The following NCALD variants were observed in gnomAD, a reference collection of about 807,000 sequenced individuals.
The protein encoded by NCALD is neurocalcin-delta.
In NCALD, 10 loss-of-function variants were observed where a neutral mutation model predicts 18.6. The ratio of observed to expected loss-of-function variants is 0.54; its 90% CI spans 0.33 to 0.91. The LOEUF (loss-of-function observed/expected upper bound fraction) is 0.91, where lower values mean the gene tolerates loss of function less well. Ranked by LOEUF, NCALD falls within the 40% of genes least tolerant of loss-of-function variation. The pLI is 0.03. For missense variants in NCALD, 184 were observed against 247.6 expected (o/e 0.74, Z 1.72); for synonymous variants, 88 against 87.4 (o/e 1.01, Z -0.04).
At chr8:101,828,960 AGTGGGGTGGTGG>A (rs1364086855) in intron 4 of NCALD, among the ~76,000 whole-genome samples, 2 of 123,950 alleles carry the variant, frequency 1.6e-5, no homozygotes, top group East Asian at 4.7e-4. Context: ...AGGATGGGTG[AGTGGGGTGGTGG>A]GTGGGTAGGT....
intron 4 of NCALD, among the ~76,000 whole-genome samples, chr8:101,875,105 C>A (rs866887844): frequency 6.6e-6 from 1 of 152,228 alleles, no homozygotes; most frequent in African/African-American, 2.4e-5. Context: ...TCTAGACAGT[C>A]TGACCAACTT....
chr8:101,880,467 C>T (rs485263), intron 4 of NCALD, among the ~76,000 whole-genome samples: 39,448 of 151,904 alleles, frequency 0.26, 5,457 homozygotes, highest in East Asian at 0.35. Flanking sequence ...AGCGCAGTGG[C>T]GGACTGAAGG....
intron 2 of NCALD, among the ~76,000 whole-genome samples, chr8:101,987,545 C>T (rs1340989733): frequency 6.6e-6 from 1 of 152,112 alleles, no homozygotes; most frequent in Non-Finnish European, 1.5e-5. Flanking sequence ...TGATAAAAGC[C>T]AATGCATGAA....
chr8:102,104,099 G>A (rs912375519), intron 1 of NCALD, among the ~76,000 whole-genome samples: 2 of 152,128 alleles, frequency 1.3e-5, no homozygotes, highest in African/African-American at 2.4e-5. Context: ...ATATCCGCAC[G>A]CGTGAAGACT....
At chr8:101,779,723 C>T (rs958452905) in intron 1 of NCALD, among the ~76,000 whole-genome samples, 1 of 152,076 alleles carries the variant, frequency 6.6e-6, no homozygotes, top group Non-Finnish European at 1.5e-5. Context: ...TTTAAAACCC[C>T]TTCTCCCAAC....
chr8:101,898,804 G>C (rs865790058), intron 3 of NCALD, among the ~76,000 whole-genome samples: 9 of 151,976 alleles, frequency 5.9e-5, no homozygotes, highest in Non-Finnish European at 1.0e-4. Context: ...TTTGAAATTA[G>C]GTTCAGTGAT....
chr8:101,743,881 A>G (rs1298222748), intron 1 of NCALD, among the ~76,000 whole-genome samples: 1 of 152,246 alleles, frequency 6.6e-6, no homozygotes, highest in African/African-American at 2.4e-5. Flanking sequence ...GAGTAACCAC[A>G]GTAAGTGGGA....
intron 4 of NCALD, among the ~76,000 whole-genome samples, chr8:101,879,281 C>T (rs1041933834): frequency 6.6e-6 from 1 of 152,110 alleles, no homozygotes; most frequent in African/African-American, 2.4e-5. Context: ...GAGTTTGTCC[C>T]TTCTGATGTT....
intron 1 of NCALD, among the ~76,000 whole-genome samples, chr8:101,735,431 CA>C (rs1467546103): frequency 6.6e-6 from 1 of 152,130 alleles, no homozygotes; most frequent in East Asian, 1.9e-4. Flanking sequence ...AAGGTGCTAC[CA>C]AAAGACAAAT....
chr8:101,703,660 C>G (rs879141160), intron 2 of NCALD, among the ~76,000 whole-genome samples: 1 of 152,146 alleles, frequency 6.6e-6, no homozygotes, highest in Admixed American at 6.5e-5. Context: ...AGAGGGTTTC[C>G]AAGCCACAGT....
chr8:101,806,329 T>C (rs1813099996), intron 4 of NCALD, among the ~76,000 whole-genome samples: 1 of 151,996 alleles, frequency 6.6e-6, no homozygotes, highest in Non-Finnish European at 1.5e-5. Flanking sequence ...AAAATGTAAC[T>C]CATACACGGG....
chr8:102,088,305 C>A (rs531254649), intron 1 of NCALD, among the ~76,000 whole-genome samples: 38 of 152,268 alleles, frequency 2.5e-4, no homozygotes, highest in Non-Finnish European at 3.5e-4. Flanking sequence ...ATTTTTTATT[C>A]TCTTCCCCTC....
At chr8:101,985,059 T>C (rs112408589) in intron 2 of NCALD, among the ~76,000 whole-genome samples, 2 of 152,076 alleles carry the variant, frequency 1.3e-5, no homozygotes, top group East Asian at 3.9e-4. Context: ...AATCAAAGGG[T>C]GAAAATTTTC....
At chr8:102,082,447 C>T (rs759461688) in intron 1 of NCALD, among the ~76,000 whole-genome samples, 1 of 151,856 alleles carries the variant, frequency 6.6e-6, no homozygotes, top group Non-Finnish European at 1.5e-5. Flanking sequence ...GAAATTGATA[C>T]AAATGAAAGG....
intron 3 of NCALD, among the ~76,000 whole-genome samples, chr8:101,910,032 T>C (rs1159736626): frequency 6.6e-6 from 1 of 152,078 alleles, no homozygotes; most frequent in African/African-American, 2.4e-5. Flanking sequence ...GTCTTTCTAG[T>C]CTTCAGGATC....
chr8:101,731,257 G>A (rs1816820618), intron 1 of NCALD, among the ~76,000 whole-genome samples: 1 of 152,166 alleles, frequency 6.6e-6, no homozygotes, highest in African/African-American at 2.4e-5. Context: ...GCCAGGTGAT[G>A]TGGGGCCTGG....
chr8:102,060,012 A>G (rs186143670), intron 1 of NCALD, among the ~76,000 whole-genome samples: 2 of 151,894 alleles, frequency 1.3e-5, no homozygotes, highest in African/African-American at 2.4e-5. Flanking sequence ...ATGGAGTCTC[A>G]CTCTGTCGCC....
intron 2 of NCALD, among the ~76,000 whole-genome samples, chr8:101,955,208 T>C (rs1374483279): frequency 6.6e-6 from 1 of 152,148 alleles, no homozygotes; most frequent in Non-Finnish European, 1.5e-5. Flanking sequence ...AATATAGGGA[T>C]AGAACAATAA....
chr8:101,727,865 C>A (rs1460911808), intron 1 of NCALD, among the ~76,000 whole-genome samples: 4 of 152,180 alleles, frequency 2.6e-5, no homozygotes, highest in African/African-American at 9.7e-5. Context: ...CTCTTAAGGG[C>A]CTTTGCTTTG....
Sources: allele counts gnomAD v4.1 joint callset (sites outside exome capture counted in the v4.1 genomes callset), GRCh38; gene constraint gnomAD v4.1.1; transcripts MANE v1.5; gene names NCBI Gene and HGNC (gene_info 2026-07-23, HGNC 2026-07-21).